Variants in PLS3 observed in about 807,000 individuals in gnomAD.
The protein encoded by PLS3 is plastin 3, also known as plastin-3.
A neutral mutation model predicts 46.5 loss-of-function variants in PLS3; 11 were observed. The ratio of observed to expected loss-of-function variants is 0.24; its 90% CI spans 0.15 to 0.39. The LOEUF (loss-of-function observed/expected upper bound fraction) is 0.39. Ranked by LOEUF, PLS3 falls within the 10% of genes least tolerant of loss-of-function variation. The probability of loss-of-function intolerance (pLI) is 1.00; values close to 1 mark genes in which losing one functional copy is unlikely to be tolerated. For synonymous variants in PLS3, 167 were observed against 162.2 expected, an observed-to-expected ratio of 1.03 and a Z score of -0.22; for missense variants, 308 against 461.8, an observed-to-expected ratio of 0.67 and a Z score of 3.05.
intron 8 of PLS3, among the ~76,000 whole-genome samples, chrX:115,638,858 A>G (rs1248618525): frequency 9.2e-6 from 1 of 108,815 alleles, no homozygotes; most frequent in Admixed American, 9.9e-5. Flanking sequence ...GACTACAGGC[A>G]CCCGCCACCA....
intron 1 of PLS3, among the ~76,000 whole-genome samples, chrX:115,587,534 G>A (rs984896351): frequency 1.8e-5 from 2 of 111,288 alleles, no homozygotes; most frequent in Admixed American, 9.6e-5. Context: ...AGGAGATCGA[G>A]ACCATCCTGG....
At chrX:115,613,266 G>C (rs1384547504) in intron 2 of PLS3, among the ~76,000 whole-genome samples, 1 of 111,177 alleles carries the variant, frequency 9.0e-6, no homozygotes, top group African/African-American at 3.3e-5. Context: ...GGAATAGTAT[G>C]GGTGTATTCC....
At chrX:115,641,632 C>T in intron 9 of PLS3, among the ~76,000 whole-genome samples, 1 of 111,075 alleles carries the variant, frequency 9.0e-6, no homozygotes, top group Non-Finnish European at 1.9e-5. Context: ...CAGCTCAGGT[C>T]ACTCTTGGTA....
At chrX:115,622,549 C>A (rs1556637801) in intron 3 of PLS3, 140 bp downstream of exon 3, 3 of 375,584 alleles carry the variant, frequency 8.0e-6, no homozygotes, top group Admixed American at 1.1e-4. Flanking sequence ...TCATCCTGCC[C>A]ACTAAATGTA....
At chrX:115,603,173 C>G (rs1332646002) in intron 1 of PLS3, among the ~76,000 whole-genome samples, 5 of 111,415 alleles carry the variant, frequency 4.5e-5, no homozygotes, top group African/African-American at 1.6e-4. Context: ...TTCATAATTG[C>G]AGTATTGTTA....
chrX:115,637,779 A>G (rs782500142), intron 8 of PLS3, among the ~76,000 whole-genome samples: 4 of 111,982 alleles, frequency 3.6e-5, no homozygotes, highest in Non-Finnish European at 5.6e-5. Flanking sequence ...CAAGGCTGTG[A>G]AAACAATACT....
chrX:115,597,474 G>T (rs146390050), intron 1 of PLS3, among the ~76,000 whole-genome samples: 1,272 of 111,711 alleles, frequency 0.011, 24 homozygotes, highest in African/African-American at 0.04. Context: ...TTATTAGGTA[G>T]GCAGCTACTT....
chrX:115,625,564 G>C (rs931578984), intron 3 of PLS3, among the ~76,000 whole-genome samples: 1 of 106,327 alleles, frequency 9.4e-6, no homozygotes, highest in Non-Finnish European at 1.9e-5. Context: ...ATACTATATA[G>C]GTGTTAGTTG....
chrX:115,634,070 T>G lies in PLS3; in HGVS notation c.571T>G (p.Phe191Val). 8.9e-7 allele frequency: 1 copy of G among 1,118,992 alleles called. No homozygotes were observed. The highest frequency in any genetic ancestry group is 1.2e-6 in the Non-Finnish European group (1 of 813,649). The allele number at this position is 1,118,992 out of a possible 1,213,427, so 92.2% of individuals were successfully genotyped here. ...RAINKKKLTP[F>V]IIQENLNLAL... ...AATCAACAAGAAGAAACTTACACCC[T>G]TCATCATTCAGGTATGCATTGTTCT... Residue 191 changes from phenylalanine (F) to valine (V), a missense_variant, in exon 6 of 16, where the codon TTC (phenylalanine) becomes GTC (valine). This residue lies in a region of PLS3 where 271 missense variants were observed against 435.7 expected (regional missense o/e 0.62). Transcript: ENST00000355899.
chrX:115,649,343 A>AT, intron 15 of PLS3, 86 bp from the exon 16 acceptor site: 4 of 757,532 alleles, frequency 5.3e-6, no homozygotes, highest in Non-Finnish European at 5.6e-6. Flanking sequence ...TCCCAGCATA[A>AT]TAATTATATA....
chrX:115,623,809 A>C (rs1051048875), intron 3 of PLS3, among the ~76,000 whole-genome samples: 13 of 112,375 alleles, frequency 1.2e-4, no homozygotes, highest in Non-Finnish European at 2.3e-4. Flanking sequence ...CACCATAGCA[A>C]GTGAAATTTT....
intron 1 of PLS3, among the ~76,000 whole-genome samples, chrX:115,578,840 CTT>C (rs1315632307): frequency 9.1e-6 from 1 of 109,894 alleles, no homozygotes; most frequent in Non-Finnish European, 1.9e-5. Context: ...TTTAATTAAA[CTT>C]TTTATTTTGA....
intron 1 of PLS3, among the ~76,000 whole-genome samples, chrX:115,576,464 A>G (rs189881420): frequency 9.6e-4 from 107 of 111,847 alleles, no homozygotes; most frequent in African/African-American, 3.2e-3. Flanking sequence ...CCAGCTACTC[A>G]GGAGGCTGAG....
chrX:115,592,705 A>G (rs907162123), intron 1 of PLS3, among the ~76,000 whole-genome samples: 1 of 111,906 alleles, frequency 8.9e-6, no homozygotes, highest in African/African-American at 3.2e-5. Context: ...CATGCGCCAG[A>G]CTATGATCTA....
chrX:115,613,927 G>T (rs189619803), intron 2 of PLS3, among the ~76,000 whole-genome samples: 1,658 of 110,970 alleles, frequency 0.015, 22 homozygotes, highest in African/African-American at 0.047. Context: ...AGTGAAGCCT[G>T]CTTTGAATTT....
chrX:115,628,439 C>T (rs1449519482), intron 3 of PLS3, among the ~76,000 whole-genome samples: 1 of 112,102 alleles, frequency 8.9e-6, no homozygotes, highest in Non-Finnish European at 1.9e-5. Context: ...ACTAATTTAG[C>T]CACGCACATT....
At chrX:115,616,498 T>G (rs1156977985) in intron 2 of PLS3, among the ~76,000 whole-genome samples, 1 of 112,096 alleles carries the variant, frequency 8.9e-6, no homozygotes, top group Non-Finnish European at 1.9e-5. Context: ...AGCATTTATG[T>G]TTATTTTTTA....
intron 1 of PLS3, among the ~76,000 whole-genome samples, chrX:115,564,812 A>G (rs782466707): frequency 4.2e-4 from 47 of 112,277 alleles, no homozygotes; most frequent in African/African-American, 1.4e-3. Flanking sequence ...ATAAAATTTG[A>G]AAATGAATAT....
intron 2 of PLS3, among the ~76,000 whole-genome samples, chrX:115,618,716 C>T (rs374052348): frequency 2.3e-4 from 26 of 111,516 alleles, no homozygotes; most frequent in East Asian, 2.0e-3. Context: ...GCCAACATGA[C>T]GAAACCCCAT....
Sources: gnomAD v4.1 joint callset for allele counts (sites outside exome capture counted in the v4.1 genomes callset) on GRCh38, gnomAD v4.1.1 for gene constraint, gnomAD v4.1.1 regional missense constraint, MANE v1.5 for transcripts, NCBI Gene and HGNC (gene_info 2026-07-23, HGNC 2026-07-21) for gene names.